The following RBFOX1 variants were observed in gnomAD, a reference collection of about 807,000 sequenced individuals.
RBFOX1 encodes the protein RNA binding protein fox-1 homolog 1.
RBFOX1 carries 8 observed loss-of-function variants against 57.7 expected under a neutral mutation model. The ratio of observed to expected loss-of-function variants is 0.14; its 90% CI spans 0.08 to 0.25. The LOEUF is 0.25. Among genes scored for constraint, RBFOX1 ranks in the 10% least tolerant of loss-of-function variants. The pLI is 1.00. For missense variants in RBFOX1, 611 were observed against 548.5 expected (o/e 1.11, Z -1.14); for synonymous variants, 326 against 222.4 (o/e 1.47, Z -4.15).
At chr16:6,305,643 C>G (rs1032705613) in intron 1 of RBFOX1, among the ~76,000 whole-genome samples, 1 of 136,200 alleles carries the variant, frequency 7.3e-6, no homozygotes, top group African/African-American at 2.5e-5. Context: ...TGTAGTCATA[C>G]TCTTAGCTTT....
chr16:6,314,237 A>G (rs1470916580), intron 1 of RBFOX1, among the ~76,000 whole-genome samples: 3 of 152,184 alleles, frequency 2.0e-5, no homozygotes, highest in African/African-American at 4.8e-5. Context: ...AGGCTACCCA[A>G]TGTAGTGAGC....
intron 4 of RBFOX1, among the ~76,000 whole-genome samples, chr16:5,952,610 G>T (rs17138981): frequency 0.065 from 9,960 of 152,194 alleles, 1,047 homozygotes; most frequent in African/African-American, 0.22. Context: ...TTGTTCTTAT[G>T]TTATTTACCA....
rs74004746 is a variant in RBFOX1, at chr16:6,108,872, C to T, written c.-127+88880C>T. Among the ~76,000 whole-genome samples the T allele has an allele frequency of 2.9e-3, 439 of 152,154 alleles. 5 individuals are homozygous for T. Among genetic ancestry groups the T allele is most frequent in the East Asian group, 0.022 (114 of 5,152 alleles). On this transcript the variant is annotated intron_variant, in intron 1 of 15. Coordinates refer to ENST00000550418, the MANE Select transcript of RBFOX1 (RefSeq NM_018723.4). ...CTCCCTCTGCTCTCTCTTATAGGGA[C>T]GCTTGTGATTGTATTAATATTTCGG... is the stretch of plus-strand genomic sequence containing the variant.
chr16:5,293,274 C>A (rs574461766), intron 1 of RBFOX1, among the ~76,000 whole-genome samples: 1 of 152,204 alleles, frequency 6.6e-6, no homozygotes, highest in African/African-American at 2.4e-5. Flanking sequence ...TGTGTCCACA[C>A]CCCATGAAGC....
intron 3 of RBFOX1, among the ~76,000 whole-genome samples, chr16:5,736,830 C>G (rs568950253): frequency 6.6e-6 from 1 of 151,400 alleles, no homozygotes; most frequent in South Asian, 2.1e-4. Context: ...TTTTTTCCCT[C>G]TTTTCTCTTT....
intron 4 of RBFOX1, among the ~76,000 whole-genome samples, chr16:7,401,297 A>G (rs56334593): frequency 0.033 from 4,958 of 152,310 alleles, 254 homozygotes; most frequent in African/African-American, 0.11. Context: ...AGCTTTTCAT[A>G]TTTTAAATAG....
intron 10 of RBFOX1, among the ~76,000 whole-genome samples, chr16:7,612,677 CTG>C (rs1329846972): frequency 1.3e-5 from 2 of 152,014 alleles, no homozygotes; most frequent in African/African-American, 4.8e-5. Flanking sequence ...GCCAATGAAA[CTG>C]TTGATTTACG....
chr16:6,849,804 C>G (rs888853693), intron 3 of RBFOX1, among the ~76,000 whole-genome samples: 5 of 152,182 alleles, frequency 3.3e-5, no homozygotes, highest in African/African-American at 9.7e-5. Context: ...TGATTTCTAC[C>G]CACTGAAAAT....
intron 2 of RBFOX1, among the ~76,000 whole-genome samples, chr16:6,352,625 T>C (rs2086610252): frequency 6.6e-6 from 1 of 152,206 alleles, no homozygotes; most frequent in Admixed American, 6.5e-5. Flanking sequence ...TGCTTTGGGT[T>C]ACCATGCGAA....
In RBFOX1 at chr16:7,165,127, G is replaced by C. The variant is rs118155324; in HGVS notation, c.27+113029G>C. On this transcript the variant is annotated intron_variant, in intron 4 of 15. Transcript: ENST00000550418. ...ATCCTGTCAGTAGTCATCCATTTTCGCAGGTATCTGCTGGGTCCCTACTTG... is the reference window on the plus strand; with the variant it reads ...ATCCTGTCAGTAGTCATCCATTTTCCCAGGTATCTGCTGGGTCCCTACTTG... Among the ~76,000 whole-genome samples the C allele has an allele frequency of 3.3e-3, 500 of 152,180 alleles. 4 individuals carry two copies. Among genetic ancestry groups the C allele is most frequent in the African/African-American group, 0.011 (477 of 41,506 alleles).
chr16:7,647,365 T>A (rs2063951586), intron 11 of RBFOX1, among the ~76,000 whole-genome samples: 1 of 152,220 alleles, frequency 6.6e-6, no homozygotes, highest in South Asian at 2.1e-4. Flanking sequence ...TTTTTCTCTT[T>A]GATTCATGCT....
chr16:5,891,920 CAGTG>C (rs1406829270), intron 4 of RBFOX1, among the ~76,000 whole-genome samples: 6 of 152,176 alleles, frequency 3.9e-5, no homozygotes, highest in African/African-American at 1.2e-4. Context: ...GCCGCTTCCT[CAGTG>C]AGATCAACAA....
At chr16:6,451,881 CATCCATGGCCA>C (rs2094634356) in intron 2 of RBFOX1, among the ~76,000 whole-genome samples, 1 of 151,128 alleles carries the variant, frequency 6.6e-6, no homozygotes, top group African/African-American at 2.4e-5. Context: ...TCCATGACTC[CATCCATGGCCA>C]CTCCCTCCCA....
chr16:6,906,069 T>G (rs1567815156), intron 3 of RBFOX1, among the ~76,000 whole-genome samples: 1 of 152,072 alleles, frequency 6.6e-6, no homozygotes, highest in Non-Finnish European at 1.5e-5. Flanking sequence ...CATCTCCACC[T>G]GATACTTTGT....
chr16:5,991,607 T>A (rs1385957246), intron 4 of RBFOX1, among the ~76,000 whole-genome samples: 3 of 151,712 alleles, frequency 2.0e-5, no homozygotes, highest in Non-Finnish European at 2.9e-5. Context: ...AAACTCCTCA[T>A]CGAAAAGATG....
intron 1 of RBFOX1, among the ~76,000 whole-genome samples, chr16:6,186,699 T>G: frequency 6.6e-6 from 1 of 152,062 alleles, no homozygotes. Context: ...GGAAGCTCCA[T>G]AGCAATGGGC....
chr16:5,908,159 T>TATATATACAC (rs755716992), intron 4 of RBFOX1, among the ~76,000 whole-genome samples: 24 of 129,248 alleles, frequency 1.9e-4, no homozygotes, highest in East Asian at 4.4e-4. Flanking sequence ...TATATACACA[T>TATATATACAC]ATATATACAC....
rs34797833 is a variant in RBFOX1, at chr16:6,243,137, C to CGTGTGTGTGTGT, written c.-126-73852_-126-73851insGTGTGTGTGTGT. On this transcript the variant is annotated intron_variant, in intron 1 of 15. Transcript: ENST00000550418. ...GCAGTTGGATAAATTGATATTTATA[C>CGTGTGTGTGTGT]GTGTGTCTGTGTGTGTGTGTGTGTG... Among the ~76,000 whole-genome samples the CGTGTGTGTGTGT allele has an allele frequency of 5.4e-3, 810 of 150,422 alleles. 7 individuals carry two copies. The highest frequency in any genetic ancestry group is 0.032 in the South Asian group (152 of 4,716).
intron 4 of RBFOX1, among the ~76,000 whole-genome samples, chr16:7,147,654 C>CT (rs1262344976): frequency 6.6e-5 from 10 of 152,094 alleles, no homozygotes; most frequent in African/African-American, 1.9e-4. Flanking sequence ...TGATTTTGTT[C>CT]TTTTTTATGG....
Sources: allele counts gnomAD v4.1 joint callset (sites outside exome capture counted in the v4.1 genomes callset), GRCh38; gene constraint gnomAD v4.1.1; transcripts MANE v1.5; gene names NCBI Gene and HGNC (gene_info 2026-07-23, HGNC 2026-07-21).